IGHMBP2: variants seen among roughly 807,000 people sequenced by gnomAD.
IGHMBP2 encodes immunoglobulin mu DNA binding protein 2.
IGHMBP2 carries 81 observed loss-of-function variants against 96.0 expected under a neutral mutation model. That is an observed-to-expected ratio of 0.84 (90% CI 0.71 to 1.01). IGHMBP2 has a LOEUF of 1.01. Ranked by LOEUF, IGHMBP2 falls within the 50% of genes least tolerant of loss-of-function variation. The pLI is 0.00. For missense variants in IGHMBP2, 1,227 were observed against 1,306.3 expected, an observed-to-expected ratio of 0.94 and a Z score of 0.94; for synonymous variants, 557 against 548.9, an observed-to-expected ratio of 1.01 and a Z score of -0.21.
intron 7 of IGHMBP2, among the ~76,000 whole-genome samples, chr11:68,925,238 C>T (rs2375868): frequency 0.015 from 2,277 of 151,758 alleles, 54 homozygotes; most frequent in African/African-American, 0.053. Flanking sequence ...CTCCTCCTCC[C>T]GGGTTCAAGT....
rs755579658 is a variant in IGHMBP2, at chr11:68,934,452, C to A, written c.1538-12C>A. The A allele has an allele frequency of 4.4e-6, 7 of 1,596,560 alleles. No individual in the cohort carries two copies. Among genetic ancestry groups the A allele is most frequent in the Admixed American group, 3.4e-5 (2 of 58,356 alleles). On this transcript the variant is annotated splice_polypyrimidine_tract_variant and intron_variant, in intron 10 of 14. Transcript: ENST00000255078. ...ACCTTGTGCTGCTCACCCGTTCTTT[C>A]TTTCCCTCCAGGCGAAGTCCGCCTC...
rs1475752357 is a variant in IGHMBP2 at position 68,938,262 on chromosome 11, G to A, written c.2692G>A (p.Gly898Ser). The change falls in exon 14 of 15, where the codon GGC becomes AGC. Residue 898 changes from glycine to serine, a missense_variant. Physicochemically the swap from Gly to Ser is moderately conservative, Grantham distance 56. Coordinates refer to ENST00000255078, the MANE Select transcript of IGHMBP2 (RefSeq NM_002180.3). ...CGCCGTTAAGGCTGATAACACCTGC[G>A]GCTTTGCCAAGTGCACAGCCGGCGT... Reference protein sequence around the residue: ...SAAVKADNTCGFAKCTAGVTT... With the variant: ...SAAVKADNTCSFAKCTAGVTT... 2 of 1,613,974 alleles carry A rather than the reference G, an allele frequency of 1.2e-6. No individual in the cohort carries two copies. Among genetic ancestry groups the A allele is most frequent in the Non-Finnish European group, 1.7e-6 (2 of 1,180,040 alleles).
intron 2 of IGHMBP2, 125 bp from the exon 3 acceptor site, chr11:68,908,020 T>G: frequency 1.1e-6 from 1 of 883,604 alleles, no homozygotes; most frequent in Non-Finnish European, 1.9e-6. Context: ...TTTTAACTGT[T>G]ACTGATTGCA....
At chr11:68,913,043 C>CAAAAAAAAAAAAAAAAAAA (rs71043469) in intron 5 of IGHMBP2, among the ~76,000 whole-genome samples, 2 of 37,478 alleles carry the variant, frequency 5.3e-5, no homozygotes, top group Admixed American at 3.8e-4. Context: ...ACTCCATCTC[C>CAAAAAAAAAAAAAAAAAAA]AAAAAAAAAA....
chr11:68,909,697 G>A (rs754079403), intron 4 of IGHMBP2, among the ~76,000 whole-genome samples: 20 of 148,152 alleles, frequency 1.3e-4, no homozygotes, highest in Non-Finnish European at 2.1e-4. Context: ...GTGCGACCTC[G>A]GCTCACTGCA....
chr11:68,939,410 A>C, intron 14 of IGHMBP2, 124 bp from the exon 15 acceptor site: 4 of 972,906 alleles, frequency 4.1e-6, no homozygotes, highest in Non-Finnish European at 6.4e-6. Flanking sequence ...AAGGACTGAC[A>C]TGGCGGGAGG....
rs1859624246 is a variant in IGHMBP2 at position 68,938,171 on chromosome 11, G to A, written c.2612-11G>A. On this transcript the variant is annotated splice_polypyrimidine_tract_variant and intron_variant, in intron 13 of 14. Transcript: ENST00000255078. ...CTTTCCGTTTGCCTGAGTGACGCGG[G>A]TCTTCTCCAGGACATCCGGCCACAG... The A allele has an allele frequency of 1.2e-6, 2 of 1,614,008 alleles. No individual in the cohort carries two copies. The highest frequency in any genetic ancestry group is 2.2e-5 in the South Asian group (2 of 91,074).
chr11:68,917,198 C>A (rs905108761), intron 6 of IGHMBP2, among the ~76,000 whole-genome samples: 1 of 151,992 alleles, frequency 6.6e-6, no homozygotes. Context: ...AGGCTGGTCT[C>A]GATTTCCTGA....
chr11:68,933,857 C>T lies in IGHMBP2; in HGVS notation c.1481C>T (p.Ala494Val), dbSNP rs377680312. The change falls in exon 10 of 15, where the codon GCC (alanine) becomes GTC (valine). Residue 494 changes from alanine (A) to valine (V), a missense_variant. Transcript: ENST00000255078. ...TGVPLLLVDT[A>V]GCGLFELEEE... The stretch of plus-strand genomic sequence containing the variant: ...GTGCCCCTGCTCTTGGTGGACACCG[C>T]CGGCTGCGGGCTGTTTGAGCTGGAG... The T allele has an allele frequency of 6.2e-7, 1 of 1,608,064 alleles. No individual in the cohort carries two copies. The highest frequency in any genetic ancestry group is 8.5e-7 in the Non-Finnish European group (1 of 1,177,154).
chr11:68,911,348 T>C, intron 4 of IGHMBP2, 92 bp from the exon 5 acceptor site: 1 of 1,311,294 alleles, frequency 7.6e-7, no homozygotes, highest in Non-Finnish European at 1.1e-6. Flanking sequence ...CTGACAGGCA[T>C]CACTCATCCC....
At chr11:68,917,380 GTC>G (rs1799249697) in intron 6 of IGHMBP2, among the ~76,000 whole-genome samples, 1 of 152,156 alleles carries the variant, frequency 6.6e-6, no homozygotes, top group African/African-American at 2.4e-5. Context: ...GTGAAGCTCA[GTC>G]TCTCTATTCG....
chr11:68,924,146 T>TG (rs996475752), intron 7 of IGHMBP2, among the ~76,000 whole-genome samples: 2 of 152,138 alleles, frequency 1.3e-5, no homozygotes, highest in African/African-American at 2.4e-5. Context: ...AATAACTGGC[T>TG]GGGGGGGTTG....
intron 4 of IGHMBP2, among the ~76,000 whole-genome samples, chr11:68,909,484 T>C (rs1396559487): frequency 1.3e-5 from 2 of 151,784 alleles, no homozygotes; most frequent in Middle Eastern, 3.2e-3. Context: ...CTAGCCTCCA[T>C]TGAGTTTTAA....
chr11:68,915,847 G>C (rs909354970), intron 6 of IGHMBP2, among the ~76,000 whole-genome samples: 1 of 152,142 alleles, frequency 6.6e-6, no homozygotes, highest in Non-Finnish European at 1.5e-5. Flanking sequence ...TGTCTTCAGA[G>C]CACTTGGTTA....
In IGHMBP2 at chr11:68,914,961, T is replaced by A. The variant is rs1380122297; in HGVS notation, c.850T>A (p.Leu284Ile). Reference protein sequence around the residue: ...SIQQHSLDAVLARSDSAQIVA... With the variant: ...SIQQHSLDAVIARSDSAQIVA... ...TCAGCAGCACTCCCTGGATGCGGTT[T>A]TAGCGCGGAGCGACAGTGCCCAGAT... Residue 284 changes from leucine (L) to isoleucine (I), a missense_variant, in exon 6 of 15, where the codon TTA becomes ATA. Leu to Ile is a conservative substitution (Grantham distance 5). Around this residue, in one of 3 missense-constraint regions of IGHMBP2, gnomAD observed 507 missense variants for 496.9 expected, o/e 1.02. Coordinates refer to ENST00000255078, the MANE Select transcript of IGHMBP2 (RefSeq NM_002180.3). 1 of 1,613,918 alleles carries A rather than the reference T, an allele frequency of 6.2e-7. No homozygotes were observed. The highest frequency in any genetic ancestry group is 1.7e-5 in the Admixed American group (1 of 59,970).
At chr11:68,905,967 G>A in intron 1 of IGHMBP2, 102 bp from the exon 2 acceptor site, 1 of 1,179,962 alleles carries the variant, frequency 8.5e-7, no homozygotes, top group Non-Finnish European at 1.3e-6. Context: ...TAGTGCCTGT[G>A]AGTAGATCTT....
intron 4 of IGHMBP2, 28 bp from the exon 5 acceptor site, chr11:68,911,412 G>A (rs146168320): frequency 1.6e-5 from 26 of 1,611,428 alleles, no homozygotes; most frequent in Non-Finnish European, 2.1e-5. Context: ...CAGAGCACCT[G>A]AGCCTCACGC....
chr11:68,937,414 C>G (rs192565168), intron 13 of IGHMBP2, among the ~76,000 whole-genome samples: 2 of 152,188 alleles, frequency 1.3e-5, no homozygotes, highest in African/African-American at 4.8e-5. Context: ...GGGAATGGAG[C>G]GATCACGGGG....
intron 5 of IGHMBP2, among the ~76,000 whole-genome samples, chr11:68,913,452 T>A (rs1307467464): frequency 2.0e-5 from 3 of 151,936 alleles, no homozygotes; most frequent in African/African-American, 7.2e-5. Flanking sequence ...TAAGGGCCTG[T>A]AGAGACTCTG....
Sources: allele counts gnomAD v4.1 joint callset (sites outside exome capture counted in the v4.1 genomes callset), GRCh38; gene constraint gnomAD v4.1.1; regional missense constraint gnomAD v4.1.1; transcripts MANE v1.5; gene names NCBI Gene and HGNC (gene_info 2026-07-23, HGNC 2026-07-21).